UBA6: variants seen among roughly 807,000 people sequenced by gnomAD.
UBA6 encodes the protein ubiquitin like modifier activating enzyme 6, also known as ubiquitin-like modifier-activating enzyme 6.
UBA6 carries 87 observed loss-of-function variants against 148.3 expected under a neutral mutation model. The observed-to-expected ratio is 0.59, with a 90% confidence interval of 0.49 to 0.70. The LOEUF is 0.70. Ranked by LOEUF, UBA6 falls within the 30% of genes least tolerant of loss-of-function variation. The pLI, the probability that UBA6 is intolerant of heterozygous loss-of-function variation, is 0.00. For missense variants in UBA6, 1,186 were observed against 1,241.2 expected (o/e 0.96, Z 0.67); for synonymous variants, 376 against 401.0 (o/e 0.94, Z 0.75).
chr4:67,651,917 A>G (rs1729561713), intron 13 of UBA6, among the ~76,000 whole-genome samples: 2 of 152,220 alleles, frequency 1.3e-5, no homozygotes, highest in Admixed American at 1.3e-4. Context: ...TTTGTGCAGT[A>G]TATAAAGACA....
At chr4:67,661,868 TAAC>T (rs1380209401) in intron 13 of UBA6, 1 of 333,626 alleles carries the variant, frequency 3.0e-6, no homozygotes, top group Non-Finnish European at 5.3e-6. Context: ...AAGTTTAAGT[TAAC>T]AAATCAAGTA....
intron 2 of UBA6, among the ~76,000 whole-genome samples, chr4:67,683,442 T>C (rs530601269): frequency 4.6e-5 from 7 of 152,178 alleles, no homozygotes; most frequent in Non-Finnish European, 8.8e-5. Flanking sequence ...GGTACACACT[T>C]AAGAGTTGTT....
chr4:67,669,588 T>A (rs2109939082), intron 8 of UBA6, among the ~76,000 whole-genome samples: 1 of 152,238 alleles, frequency 6.6e-6, no homozygotes, highest in South Asian at 2.1e-4. Context: ...TAAAAGGGGA[T>A]CATAATGATT....
intron 13 of UBA6, among the ~76,000 whole-genome samples, chr4:67,657,256 A>T (rs1729721073): frequency 6.6e-6 from 1 of 152,162 alleles, no homozygotes; most frequent in African/African-American, 2.4e-5. Flanking sequence ...CAAAGCTGGA[A>T]GCATCATACT....
Position 67,624,130 on chromosome 4 carries a change from T to C in UBA6, c.2836A>G (p.Ile946Val), listed in dbSNP as rs1364614321. The C allele has an allele frequency of 1.3e-6, 2 of 1,583,952 alleles. No individual in the cohort carries two copies. The highest frequency in any genetic ancestry group is 1.7e-6 in the Non-Finnish European group (2 of 1,168,208). Residue 946 changes from isoleucine to valine, a missense_variant, in exon 30 of 33, where the codon ATC becomes GTC. Physicochemically the swap from Ile to Val is conservative, Grantham distance 29 (BLOSUM62 3). Transcript: ENST00000322244. ...TETTEVRKTKIRNGISFTIWD... is the reference protein window; with the variant it reads ...TETTEVRKTKVRNGISFTIWD... ...GAAATAGACTTTCATACATACCTGA[T>C]TTTAGTTTTCCTTACTTCAGTTGTC...
intron 28 of UBA6, among the ~76,000 whole-genome samples, chr4:67,625,461 T>G (rs932875355): frequency 1.3e-5 from 2 of 151,694 alleles, no homozygotes; most frequent in African/African-American, 2.4e-5. Context: ...TAAAAAAACT[T>G]TTTAATAAAT....
chr4:67,630,858 G>T (rs1728981356), intron 25 of UBA6, among the ~76,000 whole-genome samples: 1 of 152,042 alleles, frequency 6.6e-6, no homozygotes, highest in Admixed American at 6.6e-5. Flanking sequence ...TAAGTCATAA[G>T]AAATATTATA....
At chr4:67,632,857 G>C (rs1434220674) in intron 23 of UBA6, among the ~76,000 whole-genome samples, 1 of 152,030 alleles carries the variant, frequency 6.6e-6, no homozygotes, top group Non-Finnish European at 1.5e-5. Context: ...TTCTAAGGAA[G>C]ATGAACTTAA....
intron 12 of UBA6, chr4:67,662,883 TTTTTG>T: frequency 6.3e-6 from 2 of 316,618 alleles, no homozygotes; most frequent in South Asian, 9.6e-5. Context: ...CTCAGAATTT[TTTTTG>T]TTTTAAGAAG....
chr4:67,683,887 A>C (rs775362788), intron 2 of UBA6, among the ~76,000 whole-genome samples: 11 of 152,130 alleles, frequency 7.2e-5, no homozygotes, highest in Non-Finnish European at 1.6e-4. Flanking sequence ...AGCCTGGGCA[A>C]CACAGCAAAA....
intron 2 of UBA6, among the ~76,000 whole-genome samples, chr4:67,695,987 A>G (rs1296573177): frequency 2.0e-5 from 3 of 152,212 alleles, no homozygotes; most frequent in Non-Finnish European, 4.4e-5. Context: ...TCAATCATAC[A>G]ATACTTTAAT....
intron 2 of UBA6, among the ~76,000 whole-genome samples, chr4:67,695,118 A>G (rs1425402690): frequency 6.6e-6 from 1 of 152,216 alleles, no homozygotes; most frequent in Non-Finnish European, 1.5e-5. Context: ...CAAGGATTAA[A>G]CTAAAAAATG....
intron 28 of UBA6, among the ~76,000 whole-genome samples, chr4:67,626,091 G>T (rs944214387): frequency 3.3e-5 from 5 of 151,796 alleles, no homozygotes; most frequent in Non-Finnish European, 7.4e-5. Context: ...ACCATCTAAA[G>T]AACTAAAACA....
At chr4:67,685,853 C>T (rs942500490) in intron 2 of UBA6, among the ~76,000 whole-genome samples, 2 of 152,140 alleles carry the variant, frequency 1.3e-5, no homozygotes, top group South Asian at 4.1e-4. Flanking sequence ...CCAGATATGA[C>T]CCCTTGATCT....
Position 67,631,849 on chromosome 4 carries a change from ATACT to A in UBA6, c.2194+4_2194+7del. On this transcript the variant is annotated splice_donor_5th_base_variant and intron_variant, in intron 24 of 32. Coordinates refer to ENST00000322244, the MANE Select transcript of UBA6 (RefSeq NM_018227.6). ...TCATTAAAATTTATTCTCAACATTTATACTTACTGCCATCTTTTAATCGTATGTC... is the reference window on the plus strand; with the variant it reads ...TCATTAAAATTTATTCTCAACATTTATACTGCCATCTTTTAATCGTATGTC... The A allele has an allele frequency of 6.2e-7, 1 of 1,612,082 alleles. No individual in the cohort carries two copies. The highest frequency in any genetic ancestry group is 8.5e-7 in the Non-Finnish European group (1 of 1,178,936).
intron 2 of UBA6, among the ~76,000 whole-genome samples, chr4:67,685,114 C>T (rs914338968): frequency 6.6e-6 from 1 of 152,148 alleles, no homozygotes; most frequent in Non-Finnish European, 1.5e-5. Context: ...AGTTCCCTGA[C>T]CTAATTCTTT....
At chr4:67,659,656 G>GTATTTTATATAGGAATATATA (rs1428863174) in intron 13 of UBA6, among the ~76,000 whole-genome samples, 10 of 14,842 alleles carry the variant, frequency 6.7e-4, no homozygotes, top group African/African-American at 1.1e-3. Flanking sequence ...TATAGCATAT[G>GTATTTTATATAGGAATATATA]CAGTGTGACA....
At chr4:67,624,065 TA>T in intron 30 of UBA6, 60 bp downstream of exon 30, 1 of 1,402,080 alleles carries the variant, frequency 7.1e-7, no homozygotes. Context: ...TTTTCCCTTT[TA>T]AAAGGTAAAA....
intron 7 of UBA6, 86 bp from the exon 8 acceptor site, chr4:67,670,678 T>C (rs954018605): frequency 1.9e-5 from 20 of 1,049,228 alleles, no homozygotes; most frequent in Admixed American, 1.5e-4. Flanking sequence ...AACAATTTAA[T>C]TTATAATTAA....
Sources: allele counts gnomAD v4.1 joint callset (sites outside exome capture counted in the v4.1 genomes callset), GRCh38; gene constraint gnomAD v4.1.1; transcripts MANE v1.5; gene names NCBI Gene and HGNC (gene_info 2026-07-23, HGNC 2026-07-21).